Variants in NKD1 observed in about 807,000 individuals in gnomAD.
NKD1 encodes protein naked cuticle homolog 1.
NKD1 carries 21 observed loss-of-function variants against 56.0 expected under a neutral mutation model. The observed-to-expected ratio is 0.38, with a 90% confidence interval of 0.27 to 0.54. The LOEUF (loss-of-function observed/expected upper bound fraction) is 0.54, where lower values mean the gene tolerates loss of function less well. Ranked by LOEUF, NKD1 falls within the 20% of genes least tolerant of loss-of-function variation. The pLI, the probability that NKD1 is intolerant of heterozygous loss-of-function variation, is 0.82. For synonymous variants in NKD1, 263 were observed against 265.7 expected, an observed-to-expected ratio of 0.99 and a Z score of 0.10; for missense variants, 578 against 642.7, an observed-to-expected ratio of 0.90 and a Z score of 1.09.
Position 50,633,556 on chromosome 16 carries a change from C to G in NKD1, c.1188C>G (p.Pro396=). Residue 396 remains proline (P), a synonymous_variant, in exon 10 of 10, where the codon CCC becomes CCG. Transcript: ENST00000268459. This position sits in a 1 kb window ranked among gnomAD's most constrained non-coding sequence, Gnocchi z 4.9. ...CGGCCCTCCTCCCCTCCCTAGCCCCCCTCGGGCACAAGAAGCACAAGCACC... is the reference window on the plus strand; with the variant it reads ...CGGCCCTCCTCCCCTCCCTAGCCCCGCTCGGGCACAAGAAGCACAAGCACC... ...ASPALLPSLA[P]LGHKKHKHRA... The G allele has an allele frequency of 6.2e-7, 1 of 1,611,522 alleles. No individual in the cohort carries two copies. Among genetic ancestry groups the G allele is most frequent in the Non-Finnish European group, 8.5e-7 (1 of 1,179,492 alleles).
intron 3 of NKD1, among the ~76,000 whole-genome samples, chr16:50,603,494 C>T (rs962439033): frequency 5.3e-5 from 8 of 152,346 alleles, no homozygotes; most frequent in Middle Eastern, 3.4e-3. Flanking sequence ...CCTCTTTCCC[C>T]GGCACATCCC....
At position 50,633,726 on chromosome 16, in the gene NKD1, A is replaced by T; in HGVS notation, c.1358A>T (p.Glu453Val). 6.4e-7 allele frequency: 1 copy of T among 1,571,164 alleles called. No homozygotes were observed. Among genetic ancestry groups the T allele is most frequent in the Non-Finnish European group, 8.6e-7 (1 of 1,157,392 alleles). Residue 453 changes from glutamate to valine, a missense_variant, in exon 10 of 10, where the codon GAG becomes GTG. Glu to Val is a moderately radical substitution (Grantham distance 121). Transcript: ENST00000268459. This position sits in a 1 kb window ranked among gnomAD's most constrained non-coding sequence, Gnocchi z 4.9. Reference sequence around the variant, plus strand: ...GCCGGGCAGCCGGTCCAGAGACATGAGCACCACCACCACCATGAACATCAC... The same window carrying T: ...GCCGGGCAGCCGGTCCAGAGACATGTGCACCACCACCACCATGAACATCAC... ...SQAGQPVQRH[E>V]HHHHHEHHHH...
intron 2 of NKD1, 132 bp from the exon 3 acceptor site, chr16:50,549,290 C>A: frequency 8.5e-7 from 1 of 1,171,994 alleles, no homozygotes; most frequent in Non-Finnish European, 1.2e-6. Context: ...GCTCCTGCCC[C>A]AGCCCGCGAA....
At chr16:50,630,423 T>G in intron 7 of NKD1, 90 bp downstream of exon 7, 1 of 1,413,862 alleles carries the variant, frequency 7.1e-7, no homozygotes, top group South Asian at 1.3e-5. Context: ...AGGGAACCTG[T>G]GGGCTTTCTG....
At chr16:50,553,293 T>G (rs1249034654) in intron 3 of NKD1, among the ~76,000 whole-genome samples, 1 of 152,240 alleles carries the variant, frequency 6.6e-6, no homozygotes, top group African/African-American at 2.4e-5. Flanking sequence ...TGTGAATATG[T>G]ACAACCAGAT....
At chr16:50,590,087 C>G (rs1961331042) in intron 3 of NKD1, among the ~76,000 whole-genome samples, 1 of 152,092 alleles carries the variant, frequency 6.6e-6, no homozygotes. Context: ...TCAAGTGATC[C>G]TCCTGCCTTG....
In NKD1 at chr16:50,647,831, C is replaced by T. The variant is rs1285967640; in HGVS notation, c.*14050C>T. On this transcript the variant is annotated 3_prime_UTR_variant, in exon 10 of 10. Transcript: ENST00000268459. Reference sequence around the variant, plus strand: ...TGCTTAGAGTTGAAAGCATCATAACCCATCCCAGGTGATCATAGAAGGACC... The same window carrying T: ...TGCTTAGAGTTGAAAGCATCATAACTCATCCCAGGTGATCATAGAAGGACC... 2 of 152,206 alleles carry T rather than the reference C, an allele frequency of 1.3e-5. No individual in the cohort carries two copies. Among genetic ancestry groups the T allele is most frequent in the Non-Finnish European group, 2.9e-5 (2 of 68,048 alleles). The allele number at this position is 152,206 out of a possible 1,614,324, so 9.4% of individuals were successfully genotyped here.
intron 3 of NKD1, chr16:50,565,997 C>A (rs1960750990): frequency 1.0e-5 from 2 of 194,990 alleles, no homozygotes; most frequent in South Asian, 1.8e-4. Flanking sequence ...TTGCCCTGTG[C>A]CCCCGACACA....
chr16:50,555,166 G>A (rs993419739), intron 3 of NKD1, among the ~76,000 whole-genome samples: 7 of 152,248 alleles, frequency 4.6e-5, no homozygotes, highest in African/African-American at 1.4e-4. Context: ...AGAGCTGACC[G>A]AGGCCCCAGG....
chr16:50,586,597 A>T (rs932727972), intron 3 of NKD1, among the ~76,000 whole-genome samples: 3 of 152,236 alleles, frequency 2.0e-5, no homozygotes, highest in Admixed American at 6.5e-5. Flanking sequence ...AGCAACCCAC[A>T]GGCAGCTTTT....
intron 3 of NKD1, among the ~76,000 whole-genome samples, chr16:50,560,777 T>TA (rs962180643): frequency 4.6e-5 from 7 of 151,616 alleles, no homozygotes; most frequent in East Asian, 3.9e-4. Flanking sequence ...TTGTTCTAGT[T>TA]AAAAAAAATG....
intron 8 of NKD1, among the ~76,000 whole-genome samples, chr16:50,631,134 T>C (rs1273977959): frequency 6.6e-6 from 1 of 152,176 alleles, no homozygotes; most frequent in Admixed American, 6.5e-5. Context: ...GAGGTCAGCA[T>C]TTTTTGGGCT....
chr16:50,628,766 C>G (rs1962277750), intron 6 of NKD1, among the ~76,000 whole-genome samples: 2 of 152,194 alleles, frequency 1.3e-5, no homozygotes, highest in African/African-American at 4.8e-5. Flanking sequence ...CCAGCTCAAG[C>G]TGCCGTAATA....
chr16:50,608,426 GTGTGCCC>G, intron 4 of NKD1, 66 bp downstream of exon 4: 1 of 1,121,786 alleles, frequency 8.9e-7, no homozygotes, highest in African/African-American at 1.5e-5. Context: ...TCAGCTGGCC[GTGTGCCC>G]TGTGTACTCC....
rs1397683210 is a variant in NKD1 at position 50,641,039 on chromosome 16, C to A, written c.*7258C>A. 6.6e-6 allele frequency: 1 copy of A among 152,206 alleles called. No homozygotes were observed. The highest frequency in any genetic ancestry group is 1.5e-5 in the Non-Finnish European group (1 of 68,044). 9.4% of individuals were successfully genotyped at this position (152,206 alleles called of 1,614,324 possible). ...GTTCTTCCCAAAGCTGAGCGCAGAC[C>A]GGCTTGCAGGTCCTTTTTCCAGTCA... On this transcript the variant is annotated 3_prime_UTR_variant, in exon 10 of 10. Coordinates refer to ENST00000268459, the MANE Select transcript of NKD1 (RefSeq NM_033119.5).
At chr16:50,579,928 C>T (rs1961080551) in intron 3 of NKD1, among the ~76,000 whole-genome samples, 2 of 152,150 alleles carry the variant, frequency 1.3e-5, no homozygotes, top group Admixed American at 6.5e-5. Flanking sequence ...GTTTTGGTCC[C>T]ACGGACTACC....
intron 3 of NKD1, among the ~76,000 whole-genome samples, chr16:50,550,539 A>G (rs1281312005): frequency 6.6e-6 from 1 of 151,986 alleles, no homozygotes; most frequent in Non-Finnish European, 1.5e-5. Flanking sequence ...GGATAAAGTC[A>G]GTTCCTGTGT....
At chr16:50,617,257 CTCT>C (rs547171786) in intron 4 of NKD1, among the ~76,000 whole-genome samples, 28 of 151,648 alleles carry the variant, frequency 1.8e-4, no homozygotes, top group Middle Eastern at 6.8e-3. Context: ...TATTTCCTCA[CTCT>C]TCTTCTTTCG....
chr16:50,623,940 G>A lies in NKD1; in HGVS notation c.367-1545G>A, dbSNP rs921323018. Reference sequence around the variant, plus strand: ...CAGAGAGCAATGAGGGCCCTTGGCAGTTATCAAACGGGTGTGGCTGAAGCA... The same window carrying A: ...CAGAGAGCAATGAGGGCCCTTGGCAATTATCAAACGGGTGTGGCTGAAGCA... On this transcript the variant is annotated intron_variant, in intron 5 of 9. Transcript: ENST00000268459. The surrounding 1 kb of genome is among the most constrained non-coding windows in gnomAD (Gnocchi z 4.1). Among the ~76,000 whole-genome samples, 5 of 152,108 alleles carry A rather than the reference G, an allele frequency of 3.3e-5. No homozygotes were observed. The highest frequency in any genetic ancestry group is 2.6e-4 in the Admixed American group (4 of 15,278).
Sources: allele counts gnomAD v4.1 joint callset (sites outside exome capture counted in the v4.1 genomes callset), GRCh38; gene constraint gnomAD v4.1.1; non-coding constraint Gnocchi (gnomAD v3.1); transcripts MANE v1.5; gene names NCBI Gene and HGNC (gene_info 2026-07-23, HGNC 2026-07-21).